The following HYDIN variants were observed in gnomAD, a reference collection of about 807,000 sequenced individuals.
HYDIN encodes the protein axonemal central pair apparatus protein HYDIN.
HYDIN carries 132 observed loss-of-function variants against 403.9 expected under a neutral mutation model. That is an observed-to-expected ratio of 0.33 (90% CI 0.28 to 0.38). HYDIN has a LOEUF of 0.38. Ranked by LOEUF, HYDIN falls within the 10% of genes least tolerant of loss-of-function variation. The pLI is 1.00. For missense variants in HYDIN, 2,827 were observed against 5,009.5 expected (o/e 0.56, Z 13.15); for synonymous variants, 1,202 against 1,891.7 (o/e 0.64, Z 9.46).
At chr16:70,989,331 T>C (rs538056288) in intron 25 of HYDIN, among the ~76,000 whole-genome samples, 56 of 152,302 alleles carry the variant, frequency 3.7e-4, no homozygotes, top group African/African-American at 1.2e-3. Context: ...AACCACTGTT[T>C]CTGGCCTATT....
At chr16:70,839,791 C>A (rs1388116380) in intron 76 of HYDIN, among the ~76,000 whole-genome samples, 9 of 143,670 alleles carry the variant, frequency 6.3e-5, no homozygotes, top group African/African-American at 2.1e-4. Context: ...TATTGCACGA[C>A]AAGATAAATG....
intron 85 of HYDIN, among the ~76,000 whole-genome samples, chr16:70,809,251 A>C (rs911600707): frequency 7.2e-5 from 11 of 152,102 alleles, no homozygotes; most frequent in African/African-American, 2.2e-4. Context: ...CTATATTCCA[A>C]CTGATGTAAC....
chr16:71,063,038 G>A (rs980501192), intron 16 of HYDIN: 1 of 152,076 alleles, frequency 6.6e-6, no homozygotes, highest in African/African-American at 2.4e-5. Flanking sequence ...TTTAAAGTGA[G>A]GAATGAATGA....
chr16:71,129,569 C>T lies in HYDIN; in HGVS notation c.1227+71G>A, dbSNP rs142685087. 111 of 1,412,098 alleles carry T rather than the reference C, an allele frequency of 7.9e-5. No homozygotes were observed. In the East Asian group the frequency reaches 2.1e-3, roughly 27 times the overall value. The allele number at this position is 1,412,098 out of a possible 1,614,324, so 87.5% of individuals were successfully genotyped here. On this transcript the variant is annotated intron_variant, in intron 9 of 85. Transcript: ENST00000393567. ...CTCACCGTCTCAATCCCCAAGTGAG[C>T]GCTCTTATCAAAGCAAGCCTGTGCT...
intron 75 of HYDIN, among the ~76,000 whole-genome samples, chr16:70,842,004 G>A (rs945247616): frequency 1.7e-4 from 25 of 150,874 alleles, no homozygotes; most frequent in Non-Finnish European, 3.4e-4. Context: ...TAAAGATGAT[G>A]TGTTAGGCTG....
At chr16:70,984,363 T>G in intron 28 of HYDIN, among the ~76,000 whole-genome samples, 1 of 137,510 alleles carries the variant, frequency 7.3e-6, no homozygotes, top group Admixed American at 8.2e-5. Flanking sequence ...CCAGTCTAGG[T>G]GACAGAGCCA....
chr16:71,123,926 A>T (rs1242346046), intron 9 of HYDIN, among the ~76,000 whole-genome samples: 1 of 152,252 alleles, frequency 6.6e-6, no homozygotes, highest in African/African-American at 2.4e-5. Context: ...CTGTGAGTCC[A>T]TTAAACCTCT....
At chr16:70,858,845 C>T (rs1010766629) in intron 71 of HYDIN, among the ~76,000 whole-genome samples, 1 of 151,834 alleles carries the variant, frequency 6.6e-6, no homozygotes, top group African/African-American at 2.4e-5. Flanking sequence ...GGACCCAGCT[C>T]CTGGACCTTG....
intron 42 of HYDIN, among the ~76,000 whole-genome samples, chr16:70,942,052 G>A (rs1227089834): frequency 4.6e-5 from 6 of 130,236 alleles, no homozygotes; most frequent in African/African-American, 1.5e-4. Context: ...AGTCTCCCTC[G>A]GTCACTCCAG....
intron 45 of HYDIN, among the ~76,000 whole-genome samples, chr16:70,927,024 A>ATT (rs1410642008): frequency 7.2e-5 from 11 of 152,200 alleles, no homozygotes; most frequent in Admixed American, 4.6e-4. Context: ...GGCCTAGCAC[A>ATT]TTTATGATTG....
At chr16:71,015,370 C>T (rs1313542918) in intron 23 of HYDIN, among the ~76,000 whole-genome samples, 1 of 151,704 alleles carries the variant, frequency 6.6e-6, no homozygotes. Flanking sequence ...AAAAGTTCAT[C>T]CCTTTAATTA....
intron 83 of HYDIN, among the ~76,000 whole-genome samples, chr16:70,826,705 A>ATCTC (rs3043151): frequency 0.017 from 2,218 of 129,038 alleles, 28 homozygotes; most frequent in South Asian, 0.034. Flanking sequence ...TCTTGCCAGC[A>ATCTC]TCTCTCTCTC....
chr16:70,961,366 T>C (rs2078414245), intron 38 of HYDIN, among the ~76,000 whole-genome samples: 1 of 152,004 alleles, frequency 6.6e-6, no homozygotes, highest in South Asian at 2.1e-4. Flanking sequence ...GAATGATGAC[T>C]TAGCTCCCTA....
At chr16:71,024,176 T>A (rs1189175282) in intron 21 of HYDIN, among the ~76,000 whole-genome samples, 1 of 152,222 alleles carries the variant, frequency 6.6e-6, no homozygotes, top group East Asian at 1.9e-4. Context: ...AGCCCTCCAA[T>A]GGCCACCCAG....
intron 11 of HYDIN, among the ~76,000 whole-genome samples, chr16:71,092,519 T>C (rs949634640): frequency 4.6e-5 from 7 of 152,180 alleles, no homozygotes; most frequent in Admixed American, 2.0e-4. Flanking sequence ...GAAATGGAAA[T>C]AGTTAATCGT....
At chr16:71,134,986 G>A (rs368600869) in intron 8 of HYDIN, among the ~76,000 whole-genome samples, 7 of 152,136 alleles carry the variant, frequency 4.6e-5, no homozygotes, top group African/African-American at 1.7e-4. Flanking sequence ...ACTCTTTACC[G>A]AGATAAAACA....
chr16:71,225,847 C>T (rs2041010909), intron 1 of HYDIN, among the ~76,000 whole-genome samples: 1 of 151,952 alleles, frequency 6.6e-6, no homozygotes, highest in Non-Finnish European at 1.5e-5. Flanking sequence ...AAAATAAAAA[C>T]AGAGCTAACA....
intron 5 of HYDIN, among the ~76,000 whole-genome samples, chr16:71,173,308 T>C (rs999423427): frequency 1.3e-5 from 2 of 152,172 alleles, no homozygotes; most frequent in African/African-American, 4.8e-5. Flanking sequence ...ATTTTTTAAA[T>C]TAGGGGTTTC....
At chr16:70,914,454 G>A (rs1230119243) in intron 47 of HYDIN, among the ~76,000 whole-genome samples, 1 of 150,140 alleles carries the variant, frequency 6.7e-6, no homozygotes, top group Non-Finnish European at 1.5e-5. Flanking sequence ...TGAGGAGTCT[G>A]AAGATAGGGC....
Sources: allele counts gnomAD v4.1 joint callset (sites outside exome capture counted in the v4.1 genomes callset), GRCh38; gene constraint gnomAD v4.1.1; transcripts MANE v1.5; gene names NCBI Gene and HGNC (gene_info 2026-07-23, HGNC 2026-07-21).